ZPBP: variants seen among roughly 807,000 people sequenced by gnomAD.
ZPBP encodes zona pellucida binding protein.
In ZPBP, 26 loss-of-function variants were observed where a neutral mutation model predicts 44.8. The ratio of observed to expected loss-of-function variants is 0.58; its 90% CI spans 0.43 to 0.81. ZPBP has a LOEUF of 0.81. Among genes scored for constraint, ZPBP ranks in the 30% least tolerant of loss-of-function variants. The pLI is 0.00. For missense variants in ZPBP, 409 were observed against 434.0 expected, an observed-to-expected ratio of 0.94 and a Z score of 0.51; for synonymous variants, 174 against 153.2, an observed-to-expected ratio of 1.14 and a Z score of -1.00.
intron 6 of ZPBP, among the ~76,000 whole-genome samples, chr7:49,990,992 G>C (rs3778763): frequency 0.26 from 39,938 of 152,050 alleles, 6,516 homozygotes; most frequent in Non-Finnish European, 0.37. Flanking sequence ...ATCCACTAGG[G>C]GAGAACTAGT....
chr7:49,891,909 G>C (rs889207806), intron 2 of ZPBP, among the ~76,000 whole-genome samples: 2 of 150,864 alleles, frequency 1.3e-5, no homozygotes, highest in African/African-American at 4.9e-5. Context: ...ATCAAGAGTA[G>C]AAAGTAAATG....
chr7:50,017,250 A>G (rs1325838132), intron 6 of ZPBP, among the ~76,000 whole-genome samples: 1 of 152,250 alleles, frequency 6.6e-6, no homozygotes, highest in East Asian at 1.9e-4. Flanking sequence ...TTAGATTCTC[A>G]TAAGGAATAC....
intron 4 of ZPBP, among the ~76,000 whole-genome samples, chr7:50,035,829 G>T (rs913526394): frequency 2.0e-5 from 3 of 152,020 alleles, no homozygotes; most frequent in Admixed American, 2.0e-4. Flanking sequence ...CCCTCAAAAT[G>T]TTAAAGAGAG....
intron 4 of ZPBP, among the ~76,000 whole-genome samples, chr7:50,036,009 T>C (rs1030092888): frequency 9.2e-5 from 14 of 152,302 alleles, no homozygotes; most frequent in African/African-American, 3.1e-4. Context: ...GTGAAATAGA[T>C]AAGCCAAATG....
At chr7:49,889,137 T>C (rs1035507673) in intron 2 of ZPBP, among the ~76,000 whole-genome samples, 1 of 152,204 alleles carries the variant, frequency 6.6e-6, no homozygotes, top group African/African-American at 2.4e-5. Flanking sequence ...TACAAATGAT[T>C]ATTCCCTCAT....
intron 3 of ZPBP, among the ~76,000 whole-genome samples, chr7:50,063,759 C>A (rs906910393): frequency 3.3e-5 from 5 of 152,206 alleles, no homozygotes; most frequent in Admixed American, 2.6e-4. Flanking sequence ...ACATACTCTT[C>A]CTTCTTAGGC....
At chr7:49,859,800 A>G (rs748594759) in intron 2 of ZPBP, among the ~76,000 whole-genome samples, 11,498 of 129,068 alleles carry the variant, frequency 0.089, 482 homozygotes, top group African/African-American at 0.11. Flanking sequence ...GCACACACAC[A>G]CACACACACA....
At chr7:49,981,092 C>T (rs1796846847) in intron 7 of ZPBP, among the ~76,000 whole-genome samples, 1 of 146,558 alleles carries the variant, frequency 6.8e-6, no homozygotes, top group African/African-American at 2.5e-5. Context: ...AAATAACTGC[C>T]AACTGTTAAC....
At chr7:49,914,595 C>T (rs946488418) in intron 1 of ZPBP, 2 of 152,078 alleles carry the variant, frequency 1.3e-5, no homozygotes, top group South Asian at 4.2e-4. Context: ...TGTATATACT[C>T]ATTAATAATA....
chr7:49,990,571 A>T (rs1228185854), intron 6 of ZPBP, among the ~76,000 whole-genome samples: 3 of 152,164 alleles, frequency 2.0e-5, no homozygotes, highest in African/African-American at 7.2e-5. Context: ...CTCCTTTGAA[A>T]AAAACGTCCC....
intron 7 of ZPBP, among the ~76,000 whole-genome samples, chr7:49,964,924 G>A (rs1352761840): frequency 6.6e-6 from 1 of 152,030 alleles, no homozygotes; most frequent in African/African-American, 2.4e-5. Context: ...CATGAACTTT[G>A]GATCTTGTCT....
chr7:50,044,815 G>A (rs951011511), intron 4 of ZPBP, among the ~76,000 whole-genome samples: 13 of 152,138 alleles, frequency 8.5e-5, no homozygotes, highest in African/African-American at 3.1e-4. Context: ...CTCATTTTAT[G>A]AGGCTGGCAT....
chr7:50,030,937 G>A (rs537835234), intron 5 of ZPBP, among the ~76,000 whole-genome samples, 155 bp downstream of exon 5: 15 of 152,236 alleles, frequency 9.9e-5, no homozygotes, highest in African/African-American at 3.6e-4. Context: ...TCTATTTGAG[G>A]GGTTAACAGC....
intron 2 of ZPBP, among the ~76,000 whole-genome samples, chr7:50,086,993 A>C (rs1403947344): frequency 6.6e-6 from 1 of 152,098 alleles, no homozygotes; most frequent in African/African-American, 2.4e-5. Context: ...AGTTTCTCAT[A>C]AAAAGTCATA....
At chr7:49,936,045 A>G (rs935715826), downstream of ZPBP, 1 of 152,242 alleles carries the variant, frequency 6.6e-6, no homozygotes, top group African/African-American at 2.4e-5. Flanking sequence ...CAAAAAGGAA[A>G]GAACATGTAT....
chr7:49,977,821 T>G (rs1204549844), intron 7 of ZPBP, among the ~76,000 whole-genome samples: 1 of 152,166 alleles, frequency 6.6e-6, no homozygotes, highest in African/African-American at 2.4e-5. Context: ...TATTCTGACA[T>G]TCTATGTGTT....
intron 6 of ZPBP, among the ~76,000 whole-genome samples, chr7:49,999,188 C>T (rs916383584): frequency 1.3e-5 from 2 of 151,474 alleles, no homozygotes; most frequent in Admixed American, 6.6e-5. Flanking sequence ...TATAATAACT[C>T]TCCAATTCCT....
At chr7:49,940,821 C>A in intron 7 of ZPBP, 6 of 985,094 alleles carry the variant, frequency 6.1e-6, no homozygotes, top group Non-Finnish European at 7.2e-6. Flanking sequence ...ATGAGAGTCC[C>A]ATGCCTGTGG....
chr7:49,905,297 C>G (rs907780038), intron 1 of ZPBP, among the ~76,000 whole-genome samples: 5 of 152,130 alleles, frequency 3.3e-5, no homozygotes, highest in African/African-American at 1.2e-4. Context: ...TGGAAAGTGA[C>G]CATTCATCAC....
Sources: allele counts gnomAD v4.1 joint callset (sites outside exome capture counted in the v4.1 genomes callset), GRCh38; gene constraint gnomAD v4.1.1; transcripts MANE v1.5; gene names NCBI Gene and HGNC (gene_info 2026-07-23, HGNC 2026-07-21).